The following RANBP9 variants were observed in gnomAD, a reference collection of about 807,000 sequenced individuals.
RANBP9 encodes the protein ran-binding protein 9.
A neutral mutation model predicts 84.3 loss-of-function variants in RANBP9; 15 were observed. That is an observed-to-expected ratio of 0.18 (90% CI 0.12 to 0.27). The LOEUF is 0.27. Among genes scored for constraint, RANBP9 ranks in the 10% least tolerant of loss-of-function variants. The pLI is 1.00. For missense variants in RANBP9, 809 were observed against 912.8 expected, an observed-to-expected ratio of 0.89 and a Z score of 1.46; for synonymous variants, 392 against 349.6, an observed-to-expected ratio of 1.12 and a Z score of -1.35.
At chr6:13,658,880 A>G in intron 2 of RANBP9, 48 bp from the exon 3 acceptor site, 1 of 1,484,996 alleles carries the variant, frequency 6.7e-7, no homozygotes. Context: ...TATTACAGTC[A>G]TATATGTATA....
Position 13,658,775 on chromosome 6 carries a change from T to C in RANBP9, c.736+5A>G, listed in dbSNP as rs1371257362. The C allele has an allele frequency of 5.8e-6, 9 of 1,550,280 alleles. No individual in the cohort carries two copies. The highest frequency in any genetic ancestry group is 1.4e-5 in the African/African-American group (1 of 73,354). ...CATAATACTGTAATTCAATTACAAG[T>C]GTACCTGGTAGTCTATTCATGTTCA... On this transcript the variant is annotated splice_donor_5th_base_variant and intron_variant, in intron 3 of 13. Transcript: ENST00000011619.
intron 2 of RANBP9, among the ~76,000 whole-genome samples, chr6:13,684,322 TA>T (rs1310897678): frequency 6.6e-6 from 1 of 152,168 alleles, no homozygotes; most frequent in African/African-American, 2.4e-5. Flanking sequence ...TGCATCTCCT[TA>T]AAACTCACTA....
At position 13,622,503 on chromosome 6, in the gene RANBP9, ATAATT is replaced by A; in HGVS notation, c.2060-16_2060-12del. ...GCAGATTGTGGGTTTCTGAGGAAAA[ATAATT>A]TAAAAATGAGAACAGCAATTAGCAA... On this transcript the variant is annotated splice_polypyrimidine_tract_variant and intron_variant, in intron 13 of 13. Transcript: ENST00000011619. 1 of 1,552,428 alleles carries A rather than the reference ATAATT, an allele frequency of 6.4e-7. No homozygotes were observed. Among genetic ancestry groups the A allele is most frequent in the Non-Finnish European group, 8.7e-7 (1 of 1,153,128 alleles).
chr6:13,679,203 C>G (rs752909516), intron 2 of RANBP9, among the ~76,000 whole-genome samples: 3 of 152,168 alleles, frequency 2.0e-5, no homozygotes, highest in Non-Finnish European at 2.9e-5. Flanking sequence ...TCGGAAAGTT[C>G]ACAATAATAT....
intron 2 of RANBP9, among the ~76,000 whole-genome samples, chr6:13,659,907 A>T (rs1365375073): frequency 6.6e-6 from 1 of 152,258 alleles, no homozygotes; most frequent in Non-Finnish European, 1.5e-5. Context: ...ATAAAATAAG[A>T]AAACTAAATG....
At chr6:13,676,312 T>A (rs1462510618) in intron 2 of RANBP9, among the ~76,000 whole-genome samples, 2 of 151,902 alleles carry the variant, frequency 1.3e-5, no homozygotes, top group African/African-American at 4.8e-5. Context: ...TAGTAACAAT[T>A]AATAACCTTC....
intron 2 of RANBP9, among the ~76,000 whole-genome samples, chr6:13,668,986 T>C (rs1765713550): frequency 6.6e-6 from 1 of 152,102 alleles, no homozygotes; most frequent in Non-Finnish European, 1.5e-5. Context: ...TAGAAAATCC[T>C]AAAGAATCTC....
rs869094962 is a variant in RANBP9 at position 13,686,116 on chromosome 6, GCCCC to G, written c.683+10665_683+10668del. ...AAAATTTCTTCCCCCCCCCCCCCCC[GCCCC>G]CCGAAATAGAGTCTCACTCTGTAGC... On this transcript the variant is annotated intron_variant, in intron 2 of 13. Transcript: ENST00000011619. Among the ~76,000 whole-genome samples the G allele has an allele frequency of 0.024, 51 of 2,112 alleles. 10 individuals are homozygous for G. The East Asian group carries it at 0.33, about 14-fold the overall frequency. 1.4% of individuals were successfully genotyped at this position (2,112 alleles called of 152,430 possible).
intron 2 of RANBP9, among the ~76,000 whole-genome samples, chr6:13,680,006 G>A (rs559588474): frequency 1.2e-3 from 186 of 152,098 alleles, no homozygotes; most frequent in African/African-American, 4.3e-3. Context: ...AAGCTAATTG[G>A]AACACAAAGT....
intron 8 of RANBP9, among the ~76,000 whole-genome samples, chr6:13,640,635 C>T (rs1765042389): frequency 6.6e-6 from 1 of 152,106 alleles, no homozygotes. Context: ...AAGGCTATTA[C>T]ACTAAAATAA....
intron 5 of RANBP9, among the ~76,000 whole-genome samples, chr6:13,648,653 T>C (rs968837410): frequency 1.3e-5 from 2 of 152,238 alleles, no homozygotes; most frequent in Non-Finnish European, 2.9e-5. Context: ...AAAAGCTAAA[T>C]GTACACAATA....
Position 13,621,596 on chromosome 6 carries a change from GATTAA to G in RANBP9, c.*761_*765del, listed in dbSNP as rs778450342. 2.2e-4 allele frequency: 34 copies of G among 152,662 alleles called. No individual in the cohort carries two copies. The East Asian group carries it at 4.6e-3, about 21-fold the overall frequency. The allele number at this position is 152,662 out of a possible 1,614,324, so 9.5% of individuals were successfully genotyped here. On this transcript the variant is annotated 3_prime_UTR_variant, in exon 14 of 14. Coordinates refer to ENST00000011619, the MANE Select transcript of RANBP9 (RefSeq NM_005493.3). ...CACTTAAAAATGGAAGGTGTACAAA[GATTAA>G]ATTAAGACACGGTAAATTGACTAAA... is the stretch of plus-strand genomic sequence containing the variant.
At chr6:13,634,370 TA>T (rs1764880256) in intron 11 of RANBP9, 60 bp downstream of exon 11, 4 of 1,564,308 alleles carry the variant, frequency 2.6e-6, no homozygotes, top group Non-Finnish European at 2.6e-6. Flanking sequence ...TCAGTACAAG[TA>T]AAAACATAAC....
At chr6:13,654,133 C>T (rs959852508) in intron 4 of RANBP9, among the ~76,000 whole-genome samples, 8 of 152,038 alleles carry the variant, frequency 5.3e-5, no homozygotes, top group African/African-American at 9.7e-5. Flanking sequence ...AAAACTCTAA[C>T]GAAAAATTCA....
intron 1 of RANBP9, among the ~76,000 whole-genome samples, chr6:13,705,374 T>G (rs796507481): frequency 9.0e-4 from 118 of 130,974 alleles, no homozygotes; most frequent in African/African-American, 3.4e-3. Context: ...ACCACTGCAC[T>G]TCGGCCTGGG....
intron 10 of RANBP9, among the ~76,000 whole-genome samples, chr6:13,635,338 CACTCT>C (rs1264601430): frequency 2.6e-5 from 4 of 152,150 alleles, no homozygotes; most frequent in African/African-American, 9.7e-5. Context: ...GAACCATCCG[CACTCT>C]TATAAGCAAC....
intron 1 of RANBP9, among the ~76,000 whole-genome samples, chr6:13,708,665 T>C (rs1470450196): frequency 6.6e-6 from 1 of 152,184 alleles, no homozygotes; most frequent in African/African-American, 2.4e-5. Flanking sequence ...TAAATAAAAA[T>C]TCACTCTTCT....
chr6:13,629,865 A>G (rs993269828), intron 12 of RANBP9, among the ~76,000 whole-genome samples: 1 of 149,126 alleles, frequency 6.7e-6, no homozygotes, highest in Non-Finnish European at 1.5e-5. Flanking sequence ...ACATTAATCA[A>G]ATCTCTCAAT....
chr6:13,695,096 C>G (rs1418388776), intron 2 of RANBP9, among the ~76,000 whole-genome samples: 1 of 151,826 alleles, frequency 6.6e-6, no homozygotes, highest in South Asian at 2.1e-4. Flanking sequence ...GAAAAATGAC[C>G]CAAGAGCTAG....
Sources: allele counts gnomAD v4.1 joint callset (sites outside exome capture counted in the v4.1 genomes callset), GRCh38; gene constraint gnomAD v4.1.1; transcripts MANE v1.5; gene names NCBI Gene and HGNC (gene_info 2026-07-23, HGNC 2026-07-21).